Variants in MYH16 observed in about 807,000 individuals in gnomAD.
The protein encoded by MYH16 is putative uncharacterized protein MYH16.
At chr7:99,242,733 A>T (rs1563101371) in intron 1 of MYH16, among the ~76,000 whole-genome samples, 1 of 152,180 alleles carries the variant, frequency 6.6e-6, no homozygotes, top group Non-Finnish European at 1.5e-5. Flanking sequence ...TCAGTTACAG[A>T]TCAAAATCCT....
At chr7:99,259,786 A>G (rs1791917572) in intron 11 of MYH16, among the ~76,000 whole-genome samples, 1 of 147,440 alleles carries the variant, frequency 6.8e-6, no homozygotes, top group Non-Finnish European at 1.5e-5. Flanking sequence ...ATACACGTAT[A>G]TTGTATGTAT....
At chr7:99,245,240 G>T (rs1791714399) in intron 2 of MYH16, among the ~76,000 whole-genome samples, 1 of 152,188 alleles carries the variant, frequency 6.6e-6, no homozygotes, top group South Asian at 2.1e-4. Context: ...CTGTGGATCA[G>T]TTTGTACTTA....
exon 28 of MYH16, chr7:99,286,490 G>C (rs1792279279): frequency 6.6e-6 from 1 of 152,572 alleles, no homozygotes; most frequent in African/African-American, 2.4e-5. Context: ...CTCAGTGACA[G>C]GTTGGAGGAA....
intron 1 of MYH16, among the ~76,000 whole-genome samples, chr7:99,241,649 A>G (rs1461358960): frequency 6.6e-6 from 1 of 152,162 alleles, no homozygotes. Flanking sequence ...CGTGGTAACC[A>G]TTACGGGGAG....
chr7:99,302,317 T>TACAC (rs201230482), intron 38 of MYH16, among the ~76,000 whole-genome samples: 10,011 of 95,406 alleles, frequency 0.1, 704 homozygotes, highest in Non-Finnish European at 0.12. Flanking sequence ...AAAAAATATA[T>TACAC]ACACACACAC....
At chr7:99,282,109 G>A (rs912925512) in intron 23 of MYH16, among the ~76,000 whole-genome samples, 14 of 152,020 alleles carry the variant, frequency 9.2e-5, no homozygotes, top group East Asian at 3.9e-4. Flanking sequence ...TGCAACCTCC[G>A]CCTCCCGGGT....
intron 30 of MYH16, among the ~76,000 whole-genome samples, chr7:99,290,406 G>T (rs1010919377): frequency 4.0e-5 from 6 of 149,822 alleles, no homozygotes; most frequent in Non-Finnish European, 8.9e-5. Flanking sequence ...AGGATTGCTT[G>T]AGCCCAGGAG....
chr7:99,277,335 G>T (rs1792128454), intron 20 of MYH16, among the ~76,000 whole-genome samples: 1 of 152,138 alleles, frequency 6.6e-6, no homozygotes. Context: ...GGCCTTCTCT[G>T]TTGAGGCCAG....
intron 31 of MYH16, among the ~76,000 whole-genome samples, 163 bp from the exon 13 acceptor site, chr7:99,292,149 C>A (rs559999203): frequency 6.6e-6 from 1 of 152,196 alleles, no homozygotes; most frequent in Non-Finnish European, 1.5e-5. Context: ...GAAAAGAAGT[C>A]ATAGGATGAA....
chr7:99,292,365 A>C, exon 32 of MYH16: 1 of 456,920 alleles, frequency 2.2e-6, no homozygotes, highest in Middle Eastern at 3.3e-4. Context: ...ACCTGGACCT[A>C]GTAAAGGAGC....
chr7:99,299,228 CGGT>C (rs1792552411), intron 36 of MYH16, among the ~76,000 whole-genome samples: 1 of 152,122 alleles, frequency 6.6e-6, no homozygotes, highest in African/African-American at 2.4e-5. Flanking sequence ...CAGAATGTGA[CGGT>C]TTTTCCATTA....
intron 1 of MYH16, among the ~76,000 whole-genome samples, chr7:99,242,131 G>C (rs2150803929): frequency 6.6e-6 from 1 of 152,304 alleles, no homozygotes; most frequent in East Asian, 1.9e-4. Context: ...AAAGTTCTGG[G>C]ATTACAGGCA....
intron 30 of MYH16, among the ~76,000 whole-genome samples, chr7:99,289,880 C>G (rs919148409): frequency 1.3e-5 from 2 of 152,182 alleles, no homozygotes. Context: ...TCCTATAGGA[C>G]AATAATCCTG....
intron 20 of MYH16, among the ~76,000 whole-genome samples, chr7:99,277,030 T>G (rs1792122538): frequency 6.9e-6 from 1 of 143,980 alleles, no homozygotes; most frequent in Non-Finnish European, 1.5e-5. Flanking sequence ...AGGAATGGCA[T>G]GAGAGAGACA....
At chr7:99,245,333 G>A (rs1036644035) in intron 2 of MYH16, among the ~76,000 whole-genome samples, 50 of 152,232 alleles carry the variant, frequency 3.3e-4, no homozygotes, top group African/African-American at 1.2e-3. Context: ...ATAGGGAGCA[G>A]TTATTCTTAC....
Position 99,267,482 on chromosome 7 carries a change from G to A in MYH16, n.2266+508G>A, listed in dbSNP as rs146534898. ...TGGGCTCAAGCAATCCACCTGCCTC[G>A]GCCTCCCAAAGTGCTGGGATTACAG... On this transcript the variant is annotated intron_variant and non_coding_transcript_variant, in intron 18 of 41. Transcript: ENST00000439784. Among the ~76,000 whole-genome samples, 494 of 152,156 alleles carry A rather than the reference G, an allele frequency of 3.2e-3. 1 individual carries two copies. The highest frequency in any genetic ancestry group is 0.012 in the African/African-American group (479 of 41,502).
At chr7:99,259,019 G>C (rs56383213) in intron 11 of MYH16, among the ~76,000 whole-genome samples, 2,773 of 152,224 alleles carry the variant, frequency 0.018, 79 homozygotes, top group African/African-American at 0.064. Context: ...AGAGAGCAAG[G>C]GGGGAGGTGC....
chr7:99,270,756 T>C (rs1447136111), intron 18 of MYH16, among the ~76,000 whole-genome samples: 1 of 152,082 alleles, frequency 6.6e-6, no homozygotes, highest in African/African-American at 2.4e-5. Context: ...TGGTGGCATG[T>C]GCCTGTAGTC....
chr7:99,261,261 G>C (rs1369979780), intron 12 of MYH16: 3 of 152,196 alleles, frequency 2.0e-5, no homozygotes, highest in Admixed American at 6.6e-5. Flanking sequence ...AAGTCTTAAT[G>C]GCCATGGTGT....
Sources: gnomAD v4.1 joint callset for allele counts (sites outside exome capture counted in the v4.1 genomes callset) on GRCh38, gnomAD v4.1.1 for gene constraint, MANE v1.5 for transcripts, NCBI Gene and HGNC (gene_info 2026-07-23, HGNC 2026-07-21) for gene names.